The following NEGR1 variants were observed in gnomAD, a reference collection of about 807,000 sequenced individuals.
NEGR1 encodes the protein IgLON family member 4.
A neutral mutation model predicts 40.9 loss-of-function variants in NEGR1; 10 were observed. The observed-to-expected ratio is 0.24, with a 90% confidence interval of 0.15 to 0.42. The LOEUF is 0.42. NEGR1 is among the 10% of genes least tolerant of loss of function. The pLI is 1.00. For synonymous variants in NEGR1, 185 were observed against 166.8 expected (o/e 1.11, Z -0.84); for missense variants, 352 against 438.9 (o/e 0.80, Z 1.77).
At chr1:71,451,753 A>G (rs1646630518) in intron 6 of NEGR1, among the ~76,000 whole-genome samples, 1 of 152,206 alleles carries the variant, frequency 6.6e-6, no homozygotes, top group Non-Finnish European at 1.5e-5. Context: ...GTTTTATAAA[A>G]GCAAGTATTT....
intron 1 of NEGR1, among the ~76,000 whole-genome samples, chr1:72,064,780 T>C (rs1462052091): frequency 6.6e-6 from 1 of 152,058 alleles, no homozygotes; most frequent in Non-Finnish European, 1.5e-5. Flanking sequence ...TGGCAAAGTG[T>C]TTTTATATTT....
chr1:72,007,441 G>A (rs1646617557), intron 1 of NEGR1, among the ~76,000 whole-genome samples: 1 of 151,416 alleles, frequency 6.6e-6, no homozygotes, highest in African/African-American at 2.4e-5. Flanking sequence ...CCAATTTTCT[G>A]GGTCAAGCTC....
At chr1:72,263,179 A>G (rs1205080275) in intron 1 of NEGR1, among the ~76,000 whole-genome samples, 1 of 151,662 alleles carries the variant, frequency 6.6e-6, no homozygotes, top group East Asian at 1.9e-4. Flanking sequence ...ATTTTTAAAA[A>G]TTACCTTTAT....
At chr1:71,864,816 A>G (rs1660065950) in intron 2 of NEGR1, among the ~76,000 whole-genome samples, 1 of 152,194 alleles carries the variant, frequency 6.6e-6, no homozygotes, top group African/African-American at 2.4e-5. Flanking sequence ...CCCCTGAAGG[A>G]CATAAATATT....
chr1:71,720,288 G>A (rs879316562), intron 3 of NEGR1, among the ~76,000 whole-genome samples: 5 of 152,098 alleles, frequency 3.3e-5, no homozygotes, highest in Admixed American at 3.3e-4. Context: ...CTCTATCAAT[G>A]CCATTTTACA....
intron 1 of NEGR1, among the ~76,000 whole-genome samples, chr1:72,264,396 G>C (rs1296490449): frequency 6.6e-6 from 1 of 150,782 alleles, no homozygotes; most frequent in African/African-American, 2.4e-5. Context: ...AGATATGAAA[G>C]AAATATGTTT....
intron 1 of NEGR1, among the ~76,000 whole-genome samples, chr1:72,264,836 T>C (rs1017746328): frequency 3.3e-5 from 5 of 150,830 alleles, no homozygotes; most frequent in Non-Finnish European, 7.4e-5. Context: ...GAAAACTACC[T>C]TTTTGAACAT....
chr1:71,701,554 C>T (rs555620621), intron 3 of NEGR1, among the ~76,000 whole-genome samples: 1 of 152,086 alleles, frequency 6.6e-6, no homozygotes, highest in South Asian at 2.1e-4. Context: ...GCCCACCTGC[C>T]TAATCTAAAG....
chr1:72,070,919 T>C (rs1647436249), intron 1 of NEGR1, among the ~76,000 whole-genome samples: 1 of 152,092 alleles, frequency 6.6e-6, no homozygotes, highest in South Asian at 2.1e-4. Context: ...TAGAATGTTT[T>C]TTTCATTTTA....
intron 1 of NEGR1, among the ~76,000 whole-genome samples, chr1:72,182,550 TG>T (rs976003565): frequency 6.6e-6 from 1 of 152,076 alleles, no homozygotes; most frequent in Non-Finnish European, 1.5e-5. Context: ...ATTTCCATTT[TG>T]GGTCTTTTAG....
intron 5 of NEGR1, among the ~76,000 whole-genome samples, chr1:71,604,271 A>C (rs777618862): frequency 2.0e-5 from 3 of 152,146 alleles, no homozygotes; most frequent in Non-Finnish European, 4.4e-5. Context: ...ACACATAATA[A>C]AGCCTTGAAA....
chr1:71,444,387 A>G (rs943949389), intron 6 of NEGR1, among the ~76,000 whole-genome samples: 11 of 152,130 alleles, frequency 7.2e-5, no homozygotes, highest in Non-Finnish European at 1.6e-4. Flanking sequence ...ATAAAATTTT[A>G]TTTATTATAA....
At chr1:71,493,457 A>AT (rs1422726330) in intron 6 of NEGR1, among the ~76,000 whole-genome samples, 2 of 152,020 alleles carry the variant, frequency 1.3e-5, no homozygotes, top group African/African-American at 4.8e-5. Flanking sequence ...TTCTTGCTCT[A>AT]TTTTTCCCCC....
chr1:71,686,238 T>TGTAGTA (rs1653032739), intron 4 of NEGR1, among the ~76,000 whole-genome samples: 1 of 152,162 alleles, frequency 6.6e-6, no homozygotes, highest in Non-Finnish European at 1.5e-5. Context: ...TATTCTTGAC[T>TGTAGTA]GTAGTAGTCA....
chr1:72,086,568 C>A (rs996755560), intron 1 of NEGR1, among the ~76,000 whole-genome samples: 14 of 152,178 alleles, frequency 9.2e-5, no homozygotes, highest in East Asian at 3.9e-4. Flanking sequence ...ACTCAGATAA[C>A]CTGTTAGGCT....
intron 2 of NEGR1, among the ~76,000 whole-genome samples, chr1:71,913,613 C>T (rs1350139353): frequency 6.6e-6 from 1 of 152,086 alleles, no homozygotes; most frequent in Admixed American, 6.5e-5. Context: ...GACTCAATGC[C>T]AAATGATATG....
At chr1:71,790,437 C>T (rs1326611843) in intron 2 of NEGR1, among the ~76,000 whole-genome samples, 2 of 151,984 alleles carry the variant, frequency 1.3e-5, no homozygotes, top group Non-Finnish European at 2.9e-5. Flanking sequence ...TGTTATTTTG[C>T]CATTAGACGC....
rs2101243943 is a variant in NEGR1 at position 71,397,841 on chromosome 1, C to T, written c.*9605G>A. On this transcript the variant is annotated 3_prime_UTR_variant, in exon 7 of 7. Coordinates refer to ENST00000357731, the MANE Select transcript of NEGR1 (RefSeq NM_173808.3). Reference sequence around the variant, plus strand: ...GCAGCAGCCCCTGCCATCACAGGCCCCTAGGTTTTGGAGGAAAAAAATGGT... The same window carrying T: ...GCAGCAGCCCCTGCCATCACAGGCCTCTAGGTTTTGGAGGAAAAAAATGGT... 6.6e-6 allele frequency: 1 copy of T among 152,342 alleles called. No individual in the cohort carries two copies. Among genetic ancestry groups the T allele is most frequent in the Admixed American group, 6.5e-5 (1 of 15,300 alleles). The allele number at this position is 152,342 out of a possible 1,614,324, so 9.4% of individuals were successfully genotyped here. A position where few individuals can be genotyped will look rare whatever the true frequency, so the allele number is the denominator to read the frequency against.
intron 1 of NEGR1, among the ~76,000 whole-genome samples, chr1:72,244,030 T>C (rs538808577): frequency 2.0e-5 from 3 of 151,872 alleles, no homozygotes; most frequent in African/African-American, 7.2e-5. Flanking sequence ...GATTTTCTAG[T>C]ACACCGTATT....
Sources: gnomAD v4.1 joint callset for allele counts (sites outside exome capture counted in the v4.1 genomes callset) on GRCh38, gnomAD v4.1.1 for gene constraint, MANE v1.5 for transcripts, NCBI Gene and HGNC (gene_info 2026-07-23, HGNC 2026-07-21) for gene names.